DLC1: variants seen among roughly 807,000 people sequenced by gnomAD.
The protein encoded by DLC1 is DLC1 Rho GTPase activating protein.
In DLC1, 54 loss-of-function variants were observed where a neutral mutation model predicts 140.3. The ratio of observed to expected loss-of-function variants is 0.38; its 90% CI spans 0.31 to 0.48. DLC1 has a LOEUF of 0.48. Ranked by LOEUF, DLC1 falls within the 20% of genes least tolerant of loss-of-function variation. DLC1 has a pLI of 0.96. For missense variants in DLC1, 2,536 were observed against 1,907.0 expected (o/e 1.33, Z -6.14); for synonymous variants, 986 against 728.1 (o/e 1.35, Z -5.70).
chr8:13,446,681 C>T (rs889492464), intron 2 of DLC1, among the ~76,000 whole-genome samples: 1 of 151,998 alleles, frequency 6.6e-6, no homozygotes, highest in Non-Finnish European at 1.5e-5. Context: ...TGGTTCACGC[C>T]TGTAATCTCA....
chr8:13,369,514 C>G (rs1420008551), intron 4 of DLC1, among the ~76,000 whole-genome samples: 1 of 152,130 alleles, frequency 6.6e-6, no homozygotes, highest in East Asian at 1.9e-4. Flanking sequence ...TTTGGGCACT[C>G]CAATTCAGTT....
intron 4 of DLC1, among the ~76,000 whole-genome samples, chr8:13,316,726 C>G (rs142220915): frequency 6.6e-6 from 1 of 152,122 alleles, no homozygotes; most frequent in Non-Finnish European, 1.5e-5. Context: ...AGATTTTCTC[C>G]TCTCTGGGTT....
chr8:13,292,427 C>T (rs1292182562), intron 5 of DLC1, among the ~76,000 whole-genome samples: 1 of 152,050 alleles, frequency 6.6e-6, no homozygotes, highest in Non-Finnish European at 1.5e-5. Context: ...TTTTAAGGCC[C>T]CAAATTTTGG....
intron 2 of DLC1, among the ~76,000 whole-genome samples, chr8:13,443,904 T>A (rs1256913926): frequency 6.6e-6 from 1 of 152,132 alleles, no homozygotes; most frequent in Non-Finnish European, 1.5e-5. Context: ...ATCCCTATTA[T>A]CCAGGATTTA....
intron 5 of DLC1, among the ~76,000 whole-genome samples, chr8:13,250,770 G>A (rs1369710346): frequency 6.6e-6 from 1 of 151,788 alleles, no homozygotes. Context: ...AAGAAAGAGA[G>A]AGAGAGAAAG....
chr8:13,213,577 C>T (rs1276464654), intron 5 of DLC1, among the ~76,000 whole-genome samples: 1 of 152,086 alleles, frequency 6.6e-6, no homozygotes, highest in Admixed American at 6.5e-5. Context: ...AAATATGAAA[C>T]TTGAGAGGCT....
intron 5 of DLC1, among the ~76,000 whole-genome samples, chr8:13,174,821 A>C (rs1825672699): frequency 6.6e-6 from 1 of 151,820 alleles, no homozygotes; most frequent in Non-Finnish European, 1.5e-5. Flanking sequence ...TGTTTACTCC[A>C]TTGATAATTT....
At chr8:13,194,211 G>A (rs1389846825) in intron 5 of DLC1, among the ~76,000 whole-genome samples, 1 of 152,102 alleles carries the variant, frequency 6.6e-6, no homozygotes, top group Non-Finnish European at 1.5e-5. Flanking sequence ...CCTCAAGCGG[G>A]GACATTCATC....
intron 3 of DLC1, among the ~76,000 whole-genome samples, chr8:13,396,578 A>G (rs958220428): frequency 2.0e-5 from 3 of 152,188 alleles, no homozygotes; most frequent in Non-Finnish European, 4.4e-5. Context: ...TGGTGGGTGA[A>G]GCCAAGGCTT....
intron 5 of DLC1, among the ~76,000 whole-genome samples, chr8:13,292,268 A>T (rs1050202037): frequency 6.6e-6 from 1 of 152,152 alleles, no homozygotes. Context: ...TAGAAAGTCC[A>T]GGCCACTCCC....
chr8:13,326,986 G>T lies in DLC1; in HGVS notation c.1315-21684C>A, dbSNP rs191451953. On this transcript the variant is annotated intron_variant, in intron 4 of 17. Coordinates refer to ENST00000276297, the MANE Select transcript of DLC1 (RefSeq NM_182643.3). ...GTTTTGTTTTTTGAGACAGAATCTC[G>T]CTCTGTTGCCCAGGCTGGAGTGCAG... Among the ~76,000 whole-genome samples the T allele has an allele frequency of 2.5e-3, 373 of 152,108 alleles. 3 individuals are homozygous for T. The highest frequency in any genetic ancestry group is 8.2e-3 in the African/African-American group (342 of 41,504).
intron 2 of DLC1, among the ~76,000 whole-genome samples, chr8:13,432,068 T>A (rs78778856): frequency 0.012 from 1,867 of 152,334 alleles, 32 homozygotes; most frequent in African/African-American, 0.043. Context: ...ATCTATTTAT[T>A]GGAAAGTATT....
chr8:13,308,837 G>C (rs564249467), intron 4 of DLC1, among the ~76,000 whole-genome samples: 36 of 152,270 alleles, frequency 2.4e-4, no homozygotes, highest in African/African-American at 8.2e-4. Flanking sequence ...AGGAGGCATT[G>C]ATTGGGGGAT....
intron 2 of DLC1, among the ~76,000 whole-genome samples, chr8:13,426,423 A>G (rs1221864771): frequency 6.6e-6 from 1 of 152,154 alleles, no homozygotes; most frequent in Non-Finnish European, 1.5e-5. Flanking sequence ...TTGAATACCA[A>G]CATCTTTTAG....
At chr8:13,251,398 G>A (rs906408472) in intron 5 of DLC1, among the ~76,000 whole-genome samples, 7 of 152,074 alleles carry the variant, frequency 4.6e-5, no homozygotes, top group Non-Finnish European at 2.9e-5. Context: ...GTACTGGATT[G>A]ATACCAATCT....
At chr8:13,408,781 C>A (rs1837670033) in intron 2 of DLC1, among the ~76,000 whole-genome samples, 1 of 152,116 alleles carries the variant, frequency 6.6e-6, no homozygotes. Flanking sequence ...CTGCCAATTC[C>A]TGTGACTCTT....
intron 2 of DLC1, among the ~76,000 whole-genome samples, chr8:13,424,086 C>T (rs1461124047): frequency 2.0e-5 from 3 of 152,126 alleles, no homozygotes; most frequent in African/African-American, 4.8e-5. Context: ...TTTCCTTATG[C>T]TATTGAAAAC....
intron 5 of DLC1, among the ~76,000 whole-genome samples, chr8:13,280,389 T>C (rs1189071837): frequency 1.3e-5 from 2 of 151,746 alleles, no homozygotes; most frequent in African/African-American, 2.4e-5. Context: ...GTTTCAGCCA[T>C]TGGTGGAGGT....
chr8:13,446,908 C>T (rs1798800361), intron 2 of DLC1, among the ~76,000 whole-genome samples: 1 of 149,746 alleles, frequency 6.7e-6, no homozygotes, highest in African/African-American at 2.5e-5. Context: ...CGCCATTGTA[C>T]TTCAGCCTGG....
Sources: allele counts gnomAD v4.1 joint callset (sites outside exome capture counted in the v4.1 genomes callset), GRCh38; gene constraint gnomAD v4.1.1; transcripts MANE v1.5; gene names NCBI Gene and HGNC (gene_info 2026-07-23, HGNC 2026-07-21).